The following EFCAB6 variants were observed in gnomAD, a reference collection of about 807,000 sequenced individuals.
EFCAB6 encodes the protein EF-hand calcium-binding domain-containing protein 6.
A neutral mutation model predicts 169.8 loss-of-function variants in EFCAB6; 156 were observed. The ratio of observed to expected loss-of-function variants is 0.92; its 90% CI spans 0.81 to 1.05. The LOEUF (loss-of-function observed/expected upper bound fraction) is 1.05, where lower values mean the gene tolerates loss of function less well. Among genes scored for constraint, EFCAB6 ranks in the 50% least tolerant of loss-of-function variants. The probability of loss-of-function intolerance (pLI) is 0.00; values close to 1 mark genes in which losing one functional copy is unlikely to be tolerated. For missense variants in EFCAB6, 1,800 were observed against 1,829.1 expected, an observed-to-expected ratio of 0.98 and a Z score of 0.29; for synonymous variants, 698 against 676.4, an observed-to-expected ratio of 1.03 and a Z score of -0.50.
intron 23 of EFCAB6, among the ~76,000 whole-genome samples, chr22:43,594,273 T>C (rs137713): frequency 1 from 128,726 of 129,172 alleles, 64,140 homozygotes; most frequent in African/African-American, 1. Flanking sequence ...GAAACTCTGT[T>C]TCAAAAAAAA....
intron 2 of EFCAB6, chr22:43,802,546 TA>T: frequency 3.2e-6 from 1 of 316,266 alleles, no homozygotes; most frequent in Non-Finnish European, 6.1e-6. Flanking sequence ...AAAAAAAAGA[TA>T]AAACCAAGAT....
intron 2 of EFCAB6, among the ~76,000 whole-genome samples, chr22:43,798,144 G>A (rs1336343118): frequency 6.6e-6 from 1 of 151,986 alleles, no homozygotes; most frequent in Non-Finnish European, 1.5e-5. Flanking sequence ...CCAGCACTTC[G>A]GGAGGCCAAG....
At chr22:43,719,563 G>A (rs988686033) in intron 8 of EFCAB6, among the ~76,000 whole-genome samples, 3 of 152,160 alleles carry the variant, frequency 2.0e-5, no homozygotes, top group African/African-American at 4.8e-5. Context: ...ATGAACTAGC[G>A]ACTCTCTTAT....
chr22:43,652,499 G>C (rs1471208810), intron 17 of EFCAB6, among the ~76,000 whole-genome samples: 1 of 152,064 alleles, frequency 6.6e-6, no homozygotes, highest in African/African-American at 2.4e-5. Flanking sequence ...CTGAGTTAGA[G>C]CTTTTGAAGT....
chr22:43,649,115 A>G (rs2056334041), intron 17 of EFCAB6, among the ~76,000 whole-genome samples: 1 of 152,174 alleles, frequency 6.6e-6, no homozygotes, highest in African/African-American at 2.4e-5. Flanking sequence ...AGGGGGAAAA[A>G]AGTCCCCGGG....
At chr22:43,717,210 A>G (rs562950216) in intron 8 of EFCAB6, among the ~76,000 whole-genome samples, 1 of 152,260 alleles carries the variant, frequency 6.6e-6, no homozygotes, top group East Asian at 1.9e-4. Context: ...TGAAATGTAC[A>G]CTAAATAGAA....
chr22:43,792,962 C>T (rs2062361680), intron 2 of EFCAB6, among the ~76,000 whole-genome samples: 2 of 152,208 alleles, frequency 1.3e-5, no homozygotes, highest in Non-Finnish European at 2.9e-5. Flanking sequence ...ACTGTTACTG[C>T]ATTCCTTGTT....
At position 43,647,090 on chromosome 22, in the gene EFCAB6, T is replaced by C. The variant is rs117110355; in HGVS notation, c.1984-11874A>G. ...GGGACAGGGGTATACGGGAACTTTG[T>C]AGTTTCCACTAAATCTTGCTATAAA... On this transcript the variant is annotated intron_variant, in intron 17 of 31. Transcript: ENST00000262726. 1.3e-3 allele frequency among the ~76,000 whole-genome samples: 192 copies of C among 151,502 alleles called. 4 individuals carry two copies. In the East Asian group the frequency reaches 0.032, roughly 26 times the overall value.
intron 26 of EFCAB6, among the ~76,000 whole-genome samples, chr22:43,559,777 C>T (rs2048917735): frequency 6.6e-6 from 1 of 152,118 alleles, no homozygotes; most frequent in Admixed American, 6.5e-5. Context: ...AAAGGAGACA[C>T]CACATGTTCT....
chr22:43,599,258 A>G (rs1344154361), intron 23 of EFCAB6, among the ~76,000 whole-genome samples: 1 of 151,996 alleles, frequency 6.6e-6, no homozygotes, highest in Admixed American at 6.6e-5. Context: ...TTATAGACAC[A>G]CTGCACTTTG....
chr22:43,576,347 AG>A lies in EFCAB6; in HGVS notation c.3369del (p.Tyr1124IlefsTer2), dbSNP rs764367506. On this transcript the variant is annotated frameshift_variant, in exon 26 of 32. Transcript: ENST00000262726. LOFTEE classifies it high-confidence loss of function. ...FLRKLRIHLT[P>X]YINWKYFLQN... is the part of the protein sequence containing the mutation. ...TGGAGAAAATATTTCCAATTTATATAGGGGGTTAGATGAATTCTTAGTTTCC... is the reference window on the plus strand; with the variant it reads ...TGGAGAAAATATTTCCAATTTATATAGGGGTTAGATGAATTCTTAGTTTCC... 1.2e-5 allele frequency: 19 copies of A among 1,598,730 alleles called. No homozygotes were observed. The highest frequency in any genetic ancestry group is 1.7e-4 in the Middle Eastern group (1 of 6,004).
chr22:43,773,163 C>T, intron 3 of EFCAB6, 60 bp from the exon 4 acceptor site: 12 of 1,545,168 alleles, frequency 7.8e-6, no homozygotes, highest in Non-Finnish European at 9.7e-6. Context: ...TAAACAGAAA[C>T]TCTTGCACTG....
At chr22:43,693,945 A>G (rs2058489719) in intron 10 of EFCAB6, among the ~76,000 whole-genome samples, 1 of 152,012 alleles carries the variant, frequency 6.6e-6, no homozygotes, top group Non-Finnish European at 1.5e-5. Flanking sequence ...ATCTCAGTAG[A>G]GAAAATGGAT....
Position 43,736,139 on chromosome 22 carries a change from A to T in EFCAB6, c.508-146T>A, listed in dbSNP as rs146774581. 51 of 756,002 alleles carry T rather than the reference A, an allele frequency of 6.7e-5. 1 individual carries two copies. In the East Asian group the frequency reaches 1.5e-3, roughly 23 times the overall value. 46.8% of individuals were successfully genotyped at this position (756,002 alleles called of 1,614,324 possible). ...CAGTGGTAGGCATGGCAAAAATGAC[A>T]TGTCTACGGAAAAAGAACACTTTGC... On this transcript the variant is annotated intron_variant, in intron 6 of 31. Transcript: ENST00000262726.
chr22:43,689,325 T>G, intron 10 of EFCAB6, among the ~76,000 whole-genome samples: 2 of 138,560 alleles, frequency 1.4e-5, no homozygotes, highest in African/African-American at 2.8e-5. Flanking sequence ...CGAGGGAGAG[T>G]GGGCCACGTG....
At chr22:43,541,329 G>T (rs1255769195) in intron 27 of EFCAB6, among the ~76,000 whole-genome samples, 1 of 152,194 alleles carries the variant, frequency 6.6e-6, no homozygotes, top group African/African-American at 2.4e-5. Context: ...GTCGGGGTTG[G>T]GGGGTGCAAA....
chr22:43,635,975 C>T (rs77017333), intron 17 of EFCAB6, among the ~76,000 whole-genome samples: 12,685 of 152,268 alleles, frequency 0.083, 657 homozygotes, highest in South Asian at 0.17. Context: ...AGAAGGGATG[C>T]TGGGTGGATA....
intron 23 of EFCAB6, among the ~76,000 whole-genome samples, chr22:43,598,316 A>AAAAC (rs2052197797): frequency 6.8e-6 from 1 of 146,818 alleles, no homozygotes; most frequent in African/African-American, 2.5e-5. Flanking sequence ...TCCGGGAAAA[A>AAAAC]AAAAAAAAAA....
At chr22:43,697,389 C>A (rs1475861402) in intron 10 of EFCAB6, among the ~76,000 whole-genome samples, 1 of 152,120 alleles carries the variant, frequency 6.6e-6, no homozygotes, top group Non-Finnish European at 1.5e-5. Flanking sequence ...ATGGTCTCAA[C>A]TATGTTAAGT....
Sources: allele counts gnomAD v4.1 joint callset (sites outside exome capture counted in the v4.1 genomes callset), GRCh38; gene constraint gnomAD v4.1.1; transcripts MANE v1.5; gene names NCBI Gene and HGNC (gene_info 2026-07-23, HGNC 2026-07-21).